Variants in PCDH11X observed in about 807,000 individuals in gnomAD.
PCDH11X encodes the protein protocadherin-11 X-linked.
Under a neutral mutation model 53.3 loss-of-function variants are expected in PCDH11X, and 18 were observed. That is an observed-to-expected ratio of 0.34 (90% CI 0.23 to 0.50). The LOEUF (loss-of-function observed/expected upper bound fraction) is 0.50, where lower values mean the gene tolerates loss of function less well. PCDH11X is among the 20% of genes least tolerant of loss of function. The pLI is 0.98. For missense variants in PCDH11X, 570 were observed against 1,032.4 expected, an observed-to-expected ratio of 0.55 and a Z score of 6.14; for synonymous variants, 279 against 393.3, an observed-to-expected ratio of 0.71 and a Z score of 3.44.
At chrX:92,254,520 A>C (rs760167562) in intron 7 of PCDH11X, among the ~76,000 whole-genome samples, 1 of 104,445 alleles carries the variant, frequency 9.6e-6, no homozygotes, top group Admixed American at 1.0e-4. Context: ...TAGTTGATGC[A>C]GTTTCTTCCT....
At chrX:92,182,970 C>G (rs2066022489) in intron 6 of PCDH11X, among the ~76,000 whole-genome samples, 1 of 111,375 alleles carries the variant, frequency 9.0e-6, no homozygotes, top group African/African-American at 3.3e-5. Context: ...TACCTACAAG[C>G]CTGCTCTTCT....
At chrX:92,234,573 G>A (rs942639437) in intron 7 of PCDH11X, among the ~76,000 whole-genome samples, 3 of 111,882 alleles carry the variant, frequency 2.7e-5, no homozygotes, top group South Asian at 7.4e-4. Flanking sequence ...TTATGTGTGT[G>A]TATGTGTGTG....
At chrX:92,299,723 GTCTA>G (rs2068682323) in intron 8 of PCDH11X, among the ~76,000 whole-genome samples, 1 of 110,930 alleles carries the variant, frequency 9.0e-6, no homozygotes, top group Non-Finnish European at 1.9e-5. Flanking sequence ...CTAGCTAGCA[GTCTA>G]TCTGTCTTAT....
Position 91,874,648 on chromosome X carries a change from T to C in PCDH11X, c.541-2133T>C, listed in dbSNP as rs970334821. Among the ~76,000 whole-genome samples the C allele has an allele frequency of 2.2e-5, 2 of 90,988 alleles. 1 individual carries two copies. Among genetic ancestry groups the C allele is most frequent in the African/African-American group, 8.0e-5 (2 of 24,895 alleles). The allele number at this position is 90,988 out of a possible 115,157, so 79.0% of individuals were successfully genotyped here. A position where few individuals can be genotyped will look rare whatever the true frequency, so the allele number is the denominator to read the frequency against. On this transcript the variant is annotated intron_variant, in intron 5 of 10. Transcript: ENST00000682573. ...CACTGCATTTGAATAAAAGTATAAG[T>C]GAATCTCAGCACCCCCCCAAAATCT...
intron 6 of PCDH11X, among the ~76,000 whole-genome samples, chrX:91,913,988 G>A (rs74641282): frequency 3.6e-5 from 4 of 110,680 alleles, no homozygotes; most frequent in East Asian, 5.7e-4. Flanking sequence ...AAGAGCTCTC[G>A]CAGAGTCTAC....
intron 9 of PCDH11X, among the ~76,000 whole-genome samples, chrX:92,422,081 G>A (rs757663588): frequency 9.7e-4 from 105 of 108,242 alleles, no homozygotes; most frequent in African/African-American, 3.3e-3. Flanking sequence ...GTGATTTTAA[G>A]CAGCTGTTAT....
chrX:92,013,613 C>A (rs1175327720), intron 6 of PCDH11X, among the ~76,000 whole-genome samples: 5 of 111,770 alleles, frequency 4.5e-5, no homozygotes, highest in Non-Finnish European at 9.4e-5. Context: ...GGAGGCATCA[C>A]ACCACCTGAC....
chrX:91,792,531 A>G lies in PCDH11X; in HGVS notation c.-379+12847A>G, dbSNP rs1935589121. Among the ~76,000 whole-genome samples, 3 of 111,256 alleles carry G rather than the reference A, an allele frequency of 2.7e-5. No individual in the cohort carries two copies. The Admixed American group carries it at 2.9e-4, about 11-fold the overall frequency. Reference sequence around the variant, plus strand: ...CAGTGAAGGTTGAGCAATATTAGCCAGAAGACAATACTGTATAATACATAC... The same window carrying G: ...CAGTGAAGGTTGAGCAATATTAGCCGGAAGACAATACTGTATAATACATAC... On this transcript the variant is annotated intron_variant, in intron 1 of 10. Coordinates refer to ENST00000682573, the MANE Select transcript of PCDH11X (RefSeq NM_032968.5).
chrX:91,865,048 G>A (rs1199821012), intron 5 of PCDH11X, among the ~76,000 whole-genome samples: 5 of 110,580 alleles, frequency 4.5e-5, no homozygotes, highest in Admixed American at 1.9e-4. Context: ...GTGCGATCAC[G>A]TTTTCCTGGA....
chrX:92,438,558 C>G (rs1352670919), intron 9 of PCDH11X, among the ~76,000 whole-genome samples: 1 of 110,461 alleles, frequency 9.1e-6, no homozygotes, highest in Non-Finnish European at 1.9e-5. Flanking sequence ...GCCATAAAAC[C>G]TAGGAAGGAT....
At chrX:92,479,801 C>A (rs2148672166) in intron 10 of PCDH11X, among the ~76,000 whole-genome samples, 1 of 107,361 alleles carries the variant, frequency 9.3e-6, no homozygotes, top group South Asian at 4.2e-4. Context: ...TTTATTTTGA[C>A]CTTGGAGAAT....
chrX:92,278,176 T>C (rs2068152653), intron 8 of PCDH11X, among the ~76,000 whole-genome samples: 1 of 110,202 alleles, frequency 9.1e-6, no homozygotes, highest in Non-Finnish European at 1.9e-5. Flanking sequence ...GGTTGAGGGA[T>C]AGTGAGGGAG....
chrX:92,221,278 A>AATACACACACACACACACAC (rs1249262957), intron 7 of PCDH11X, among the ~76,000 whole-genome samples: 986 of 87,997 alleles, frequency 0.011, 47 homozygotes, highest in Admixed American at 0.029. Context: ...CATTGTATAC[A>AATACACACACACACACACAC]ACACACACAC....
intron 9 of PCDH11X, among the ~76,000 whole-genome samples, chrX:92,409,555 A>T (rs1454638863): frequency 3.6e-5 from 4 of 112,616 alleles, no homozygotes. Flanking sequence ...CAGATATGTC[A>T]TGTAGATGAC....
intron 10 of PCDH11X, among the ~76,000 whole-genome samples, chrX:92,590,022 CTTT>C (rs766992458): frequency 1.9e-5 from 2 of 103,848 alleles, no homozygotes; most frequent in Non-Finnish European, 4.0e-5. Flanking sequence ...ATATATTTTT[CTTT>C]TTTTTTTTGC....
chrX:92,254,358 G>T (rs1453185766), intron 7 of PCDH11X, among the ~76,000 whole-genome samples: 1 of 110,800 alleles, frequency 9.0e-6, no homozygotes, highest in Non-Finnish European at 1.9e-5. Flanking sequence ...TGGGTTTCCT[G>T]AAAACAGCAC....
intron 4 of PCDH11X, among the ~76,000 whole-genome samples, chrX:91,819,472 T>G (rs1051787386): frequency 2.7e-5 from 3 of 110,222 alleles, no homozygotes; most frequent in African/African-American, 9.9e-5. Flanking sequence ...TTTTAGGTTT[T>G]TGAATAAAAT....
chrX:91,955,961 T>G (rs2147879386), intron 6 of PCDH11X, among the ~76,000 whole-genome samples: 1 of 110,349 alleles, frequency 9.1e-6, no homozygotes, highest in African/African-American at 3.3e-5. Flanking sequence ...GGTTCATATA[T>G]ATTTAGGATA....
At chrX:92,297,150 A>G (rs1033066410) in intron 8 of PCDH11X, among the ~76,000 whole-genome samples, 4 of 108,478 alleles carry the variant, frequency 3.7e-5, no homozygotes, top group Non-Finnish European at 7.6e-5. Flanking sequence ...TCTTTAGTTT[A>G]ATTAGATATC....
Sources: allele counts gnomAD v4.1 joint callset (sites outside exome capture counted in the v4.1 genomes callset), GRCh38; gene constraint gnomAD v4.1.1; transcripts MANE v1.5; gene names NCBI Gene and HGNC (gene_info 2026-07-23, HGNC 2026-07-21).